CDK17: variants seen among roughly 807,000 people sequenced by gnomAD.
CDK17 encodes cyclin dependent kinase 17.
CDK17 carries 24 observed loss-of-function variants against 77.6 expected under a neutral mutation model. The observed-to-expected ratio is 0.31, with a 90% CI of 0.22 to 0.44. CDK17 has a LOEUF of 0.44. Ranked by LOEUF, CDK17 falls within the 20% of genes least tolerant of loss-of-function variation. The pLI, the probability that CDK17 is intolerant of heterozygous loss-of-function variation, is 1.00. For missense variants in CDK17, 429 were observed against 622.5 expected (o/e 0.69, Z 3.31); for synonymous variants, 203 against 210.4 (o/e 0.96, Z 0.30).
intron 1 of CDK17, among the ~76,000 whole-genome samples, chr12:96,393,687 T>C (rs1954113531): frequency 6.6e-6 from 1 of 152,042 alleles, no homozygotes; most frequent in Admixed American, 6.6e-5. Context: ...GAAGCAGTGA[T>C]CACACCACTG....
intron 1 of CDK17, among the ~76,000 whole-genome samples, chr12:96,398,347 C>A (rs914637453): frequency 6.6e-6 from 1 of 152,142 alleles, no homozygotes; most frequent in African/African-American, 2.4e-5. Flanking sequence ...GAAATGACTT[C>A]ATTAACAAAG....
At chr12:96,361,064 G>A (rs1953485806) in intron 1 of CDK17, among the ~76,000 whole-genome samples, 1 of 152,202 alleles carries the variant, frequency 6.6e-6, no homozygotes, top group Non-Finnish European at 1.5e-5. Flanking sequence ...GAGGCTTGAA[G>A]GAGAAACCCT....
intron 5 of CDK17, among the ~76,000 whole-genome samples, chr12:96,300,689 G>A (rs1002148867): frequency 1.3e-5 from 2 of 152,112 alleles, no homozygotes; most frequent in Non-Finnish European, 2.9e-5. Context: ...AAGCCACCGC[G>A]CCCAGCCTTG....
At chr12:96,315,916 T>C (rs746664902) in intron 3 of CDK17, among the ~76,000 whole-genome samples, 22 of 152,052 alleles carry the variant, frequency 1.4e-4, no homozygotes, top group Middle Eastern at 3.4e-3. Context: ...TTTTGAGACT[T>C]ACAGGGTACA....
chr12:96,350,685 T>C (rs528722012), intron 1 of CDK17, among the ~76,000 whole-genome samples: 12 of 152,238 alleles, frequency 7.9e-5, no homozygotes, highest in African/African-American at 2.9e-4. Flanking sequence ...AGAGTGAAAC[T>C]GGACCATTAC....
chr12:96,357,237 G>A (rs61939066), intron 1 of CDK17, among the ~76,000 whole-genome samples: 20 of 149,402 alleles, frequency 1.3e-4, no homozygotes, highest in African/African-American at 4.9e-4. Context: ...TGAGGCAGGA[G>A]CATCTCGAGG....
At chr12:96,289,995 TACACTA>T (rs368872856) in intron 10 of CDK17, among the ~76,000 whole-genome samples, 12 of 151,982 alleles carry the variant, frequency 7.9e-5, no homozygotes, top group Middle Eastern at 3.4e-3. Flanking sequence ...ACACATAAAA[TACACTA>T]ACACTAACAA....
chr12:96,347,092 G>A (rs1409819995), intron 1 of CDK17, among the ~76,000 whole-genome samples: 1 of 152,034 alleles, frequency 6.6e-6, no homozygotes, highest in Non-Finnish European at 1.5e-5. Flanking sequence ...TATTATAAGG[G>A]GTTCGATACA....
chr12:96,391,127 C>G (rs917011351), intron 1 of CDK17, among the ~76,000 whole-genome samples: 1 of 151,716 alleles, frequency 6.6e-6, no homozygotes, highest in African/African-American at 2.4e-5. Context: ...CAACTGTATA[C>G]ATAAACTACC....
intron 3 of CDK17, among the ~76,000 whole-genome samples, chr12:96,322,549 C>T (rs1313179506): frequency 6.6e-6 from 1 of 151,166 alleles, no homozygotes; most frequent in Non-Finnish European, 1.5e-5. Context: ...TAAGCCAGGG[C>T]CTGATCTGTA....
intron 1 of CDK17, among the ~76,000 whole-genome samples, chr12:96,372,016 T>A (rs1261501215): frequency 6.6e-6 from 1 of 151,812 alleles, no homozygotes; most frequent in African/African-American, 2.4e-5. Context: ...TGTGTTTGTG[T>A]GTGTGTGTGT....
At chr12:96,379,795 C>G (rs573692402) in intron 1 of CDK17, among the ~76,000 whole-genome samples, 3 of 152,182 alleles carry the variant, frequency 2.0e-5, no homozygotes, top group African/African-American at 4.8e-5. Context: ...TCTAACATAT[C>G]GAAACATTTC....
intron 7 of CDK17, 55 bp from the exon 8 acceptor site, chr12:96,297,776 GAAGT>G: frequency 2.1e-6 from 2 of 942,586 alleles, no homozygotes; most frequent in Non-Finnish European, 3.4e-6. Flanking sequence ...ATAAAAACCT[GAAGT>G]AAGTTGAACA....
chr12:96,311,654 A>G (rs1253296551), intron 4 of CDK17, among the ~76,000 whole-genome samples: 1 of 147,252 alleles, frequency 6.8e-6, no homozygotes, highest in African/African-American at 2.5e-5. Context: ...AATCTTGCCT[A>G]TATCATTGTA....
At chr12:96,390,174 TG>T (rs1170973257) in intron 1 of CDK17, among the ~76,000 whole-genome samples, 1 of 139,930 alleles carries the variant, frequency 7.1e-6, no homozygotes, top group Non-Finnish European at 1.5e-5. Context: ...TTTTTTGAGA[TG>T]GAGTCTTGCT....
At chr12:96,355,340 A>G (rs1178661590) in intron 1 of CDK17, among the ~76,000 whole-genome samples, 1 of 148,142 alleles carries the variant, frequency 6.8e-6, no homozygotes, top group East Asian at 2.0e-4. Flanking sequence ...CTAACACTCT[A>G]TTCCCCTTAA....
chr12:96,387,254 G>C (rs952597920), intron 1 of CDK17: 1 of 218,398 alleles, frequency 4.6e-6, no homozygotes, highest in Non-Finnish European at 9.6e-6. Context: ...ACCAAGGACC[G>C]ACCAACCCAC....
intron 4 of CDK17, 62 bp from the exon 5 acceptor site, chr12:96,311,239 C>T (rs567983660): frequency 1.5e-6 from 2 of 1,307,970 alleles, no homozygotes; most frequent in Admixed American, 2.8e-5. Flanking sequence ...TTTGTATTCA[C>T]AGGCTCTAAC....
chr12:96,339,268 G>C (rs915505775), intron 1 of CDK17, among the ~76,000 whole-genome samples: 3 of 152,036 alleles, frequency 2.0e-5, no homozygotes, highest in Non-Finnish European at 4.4e-5. Flanking sequence ...CAAAACTGTA[G>C]CCAACAGCAG....
Sources: allele counts gnomAD v4.1 joint callset (sites outside exome capture counted in the v4.1 genomes callset), GRCh38; gene constraint gnomAD v4.1.1; transcripts MANE v1.5; gene names NCBI Gene and HGNC (gene_info 2026-07-23, HGNC 2026-07-21).